RBFOX3: variants seen among roughly 807,000 people sequenced by gnomAD.
The protein encoded by RBFOX3 is RNA binding protein fox-1 homolog 3.
A neutral mutation model predicts 48.7 loss-of-function variants in RBFOX3; 17 were observed. That is an observed-to-expected ratio of 0.35 (90% CI 0.24 to 0.52). RBFOX3 has a LOEUF of 0.52. Among genes scored for constraint, RBFOX3 ranks in the 20% least tolerant of loss-of-function variants. The pLI, the probability that RBFOX3 is intolerant of heterozygous loss-of-function variation, is 0.94. For synonymous variants in RBFOX3, 212 were observed against 209.5 expected (o/e 1.01, Z -0.10); for missense variants, 382 against 497.5 (o/e 0.77, Z 2.21).
At chr17:79,385,840 C>A (rs1444269968) in intron 2 of RBFOX3, among the ~76,000 whole-genome samples, 1 of 151,400 alleles carries the variant, frequency 6.6e-6, no homozygotes, top group Admixed American at 6.6e-5. Context: ...AAAGAGGCTC[C>A]ATCACCCTCC....
In RBFOX3 at chr17:79,361,722, G is replaced by A. The variant is rs2147292856; in HGVS notation, c.-174-53898C>T. On this transcript the variant is annotated intron_variant, in intron 2 of 14. Coordinates refer to ENST00000693108, the MANE Select transcript of RBFOX3 (RefSeq NM_001350451.2). This position sits in a 1 kb window ranked among gnomAD's most constrained non-coding sequence, Gnocchi z 4.5. The stretch of plus-strand genomic sequence containing the variant: ...CTTTGGGCCAAGGTCATGTGTGTGT[G>A]CACACGTGTGTGCGCTGTGCAGGGG... Among the ~76,000 whole-genome samples, 1 of 152,340 alleles carries A rather than the reference G, an allele frequency of 6.6e-6. No homozygotes were observed. Among genetic ancestry groups the A allele is most frequent in the East Asian group, 1.9e-4 (1 of 5,182 alleles).
chr17:79,264,063 A>G lies in RBFOX3; in HGVS notation c.-73-28258T>C, dbSNP rs1467331028. ...AAAGGCAGGAAGGACCCTTCCCTAG[A>G]GCTTTGGCGGGAGCGCAGCCCTGTT... On this transcript the variant is annotated intron_variant, in intron 3 of 14. Coordinates refer to ENST00000693108, the MANE Select transcript of RBFOX3 (RefSeq NM_001350451.2). Among the ~76,000 whole-genome samples the G allele has an allele frequency of 2.0e-5, 3 of 149,954 alleles. No homozygotes were observed. The East Asian group carries it at 5.9e-4, about 30-fold the overall frequency.
At chr17:79,389,602 A>T (rs1317555534) in intron 2 of RBFOX3, among the ~76,000 whole-genome samples, 1 of 152,190 alleles carries the variant, frequency 6.6e-6, no homozygotes, top group African/African-American at 2.4e-5. Context: ...CACTCAGGTA[A>T]GGGCAGCCTT....
At chr17:79,118,303 A>C (rs2034663580) in intron 4 of RBFOX3, among the ~76,000 whole-genome samples, 1 of 152,164 alleles carries the variant, frequency 6.6e-6, no homozygotes, top group Non-Finnish European at 1.5e-5. Context: ...ACGGGAGGGA[A>C]GCACACACGT....
intron 4 of RBFOX3, chr17:79,135,021 C>CTGATCCCACAGATGG (rs1344139268): frequency 7.9e-5 from 12 of 152,350 alleles, no homozygotes; most frequent in African/African-American, 2.7e-4. Context: ...GGGACCCCAT[C>CTGATCCCACAGATGG]TGATCCCACA....
intron 14 of RBFOX3, among the ~76,000 whole-genome samples, chr17:79,093,936 C>A (rs1324780823): frequency 2.0e-5 from 3 of 152,118 alleles, no homozygotes; most frequent in African/African-American, 7.2e-5. Flanking sequence ...CAGGAGCCCC[C>A]AGGAAGCCAG....
intron 1 of RBFOX3, among the ~76,000 whole-genome samples, chr17:79,529,292 C>T (rs1447014008): frequency 2.0e-5 from 3 of 152,174 alleles, no homozygotes; most frequent in East Asian, 1.9e-4. Flanking sequence ...CCCATCCCCC[C>T]ACCGCATCAC....
intron 2 of RBFOX3, among the ~76,000 whole-genome samples, chr17:79,447,329 G>C (rs1423900206): frequency 1.3e-5 from 2 of 152,164 alleles, no homozygotes; most frequent in African/African-American, 4.8e-5. Context: ...TAAATGTGCA[G>C]CCTCATCCAT....
At chr17:79,565,798 A>G (rs2092433179) in intron 1 of RBFOX3, among the ~76,000 whole-genome samples, 2 of 152,150 alleles carry the variant, frequency 1.3e-5, no homozygotes, top group Non-Finnish European at 1.5e-5. Context: ...TCTGCAGACA[A>G]TACTTCTATG....
chr17:79,200,353 C>T (rs11872094), intron 4 of RBFOX3, among the ~76,000 whole-genome samples: 3,166 of 152,314 alleles, frequency 0.021, 108 homozygotes, highest in African/African-American at 0.073. Flanking sequence ...CCAGGGAAAG[C>T]CAAAGCCTCT....
At chr17:79,633,422 G>T in the RBFOX3 span, among the ~76,000 whole-genome samples, 12 of 152,246 alleles carry the variant, frequency 7.9e-5, no homozygotes, top group Non-Finnish European at 1.6e-4. Flanking sequence ...AACACAGAAC[G>T]CGTGTCCACC....
intron 4 of RBFOX3, among the ~76,000 whole-genome samples, chr17:79,189,946 C>G (rs1260228727): frequency 6.6e-6 from 1 of 152,240 alleles, no homozygotes; most frequent in African/African-American, 2.4e-5. Flanking sequence ...TTTGCTCCTG[C>G]CAGGGCAGGG....
chr17:79,211,667 C>T (rs1299635612), intron 4 of RBFOX3, among the ~76,000 whole-genome samples: 1 of 152,170 alleles, frequency 6.6e-6, no homozygotes, highest in Non-Finnish European at 1.5e-5. Context: ...GCAGATACCC[C>T]AAGGTCAGAG....
chr17:79,488,181 C>T (rs1555770729), intron 1 of RBFOX3, among the ~76,000 whole-genome samples: 1 of 152,128 alleles, frequency 6.6e-6, no homozygotes. Flanking sequence ...CGCACATCTC[C>T]AAATAGAAGG....
At chr17:79,253,084 G>T (rs2064224320) in intron 3 of RBFOX3, among the ~76,000 whole-genome samples, 1 of 152,164 alleles carries the variant, frequency 6.6e-6, no homozygotes, top group Non-Finnish European at 1.5e-5. Flanking sequence ...CGCTTGACAA[G>T]GCTGTTTCAG....
At chr17:79,248,435 G>A (rs931613466) in intron 3 of RBFOX3, among the ~76,000 whole-genome samples, 3 of 152,178 alleles carry the variant, frequency 2.0e-5, no homozygotes, top group African/African-American at 7.2e-5. Flanking sequence ...GTCCCTGGAA[G>A]GGTGGGGGGT....
chr17:79,317,609 TCTCAAA>T (rs1465353595), intron 2 of RBFOX3, among the ~76,000 whole-genome samples: 3 of 152,188 alleles, frequency 2.0e-5, no homozygotes, highest in Non-Finnish European at 4.4e-5. Context: ...CTGGACGTGG[TCTCAAA>T]CTCAAAGGGG....
At position 79,204,614 on chromosome 17, in the gene RBFOX3, G is replaced by A. The variant is rs1430995700; in HGVS notation, c.-34+31152C>T. On this transcript the variant is annotated intron_variant, in intron 4 of 14. Coordinates refer to ENST00000693108, the MANE Select transcript of RBFOX3 (RefSeq NM_001350451.2). The surrounding 1 kb of genome is among the most constrained non-coding windows in gnomAD (Gnocchi z 4.5). ...ACTAGATGACTCTGTGTCCCAGAAG[G>A]GTATGGGGGACATTCCCTCCACTAA... Among the ~76,000 whole-genome samples the A allele has an allele frequency of 6.6e-6, 1 of 152,082 alleles. No individual in the cohort carries two copies. The highest frequency in any genetic ancestry group is 2.4e-5 in the African/African-American group (1 of 41,412).
In RBFOX3 at chr17:79,480,529, T is replaced by G. The variant is rs62062829; in HGVS notation, c.-175+1925A>C. Among the ~76,000 whole-genome samples the G allele has an allele frequency of 6.0e-3, 907 of 152,230 alleles. 3 individuals are homozygous for G. The highest frequency in any genetic ancestry group is 9.5e-3 in the Non-Finnish European group (648 of 67,994). On this transcript the variant is annotated intron_variant, in intron 2 of 14. Coordinates refer to ENST00000693108, the MANE Select transcript of RBFOX3 (RefSeq NM_001350451.2). This position sits in a 1 kb window ranked among gnomAD's most constrained non-coding sequence, Gnocchi z 4.8. Reference sequence around the variant, plus strand: ...AAATCCAAAGTCCTCAGTCCCAACCTAAAGGCCTCTGCATCCAGCCCTGGA... The same window carrying G: ...AAATCCAAAGTCCTCAGTCCCAACCGAAAGGCCTCTGCATCCAGCCCTGGA...
Sources: allele counts gnomAD v4.1 joint callset (sites outside exome capture counted in the v4.1 genomes callset), GRCh38; gene constraint gnomAD v4.1.1; non-coding constraint Gnocchi (gnomAD v3.1); transcripts MANE v1.5; gene names NCBI Gene and HGNC (gene_info 2026-07-23, HGNC 2026-07-21).